SUPT7L: variants seen among roughly 807,000 people sequenced by gnomAD.
SUPT7L encodes the protein STAGA complex 65 subunit gamma.
SUPT7L carries 15 observed loss-of-function variants against 35.7 expected under a neutral mutation model. The ratio of observed to expected loss-of-function variants is 0.42; its 90% confidence interval spans 0.28 to 0.65. The LOEUF is 0.65. Among genes scored for constraint, SUPT7L ranks in the 30% least tolerant of loss-of-function variants. The pLI, the probability that SUPT7L is intolerant of heterozygous loss-of-function variation, is 0.23. For missense variants in SUPT7L, 434 were observed against 522.2 expected (o/e 0.83, Z 1.65); for synonymous variants, 168 against 186.2 (o/e 0.90, Z 0.79).
chr2:27,648,592 A>G (rs187768459), downstream of SUPT7L, among the ~76,000 whole-genome samples: 328 of 152,332 alleles, frequency 2.2e-3, 3 homozygotes, highest in African/African-American at 7.2e-3. Flanking sequence ...TGGAAACCCA[A>G]ATTCCACTTG....
Position 27,661,123 on chromosome 2 carries a change from C to T in SUPT7L, c.280G>A (p.Val94Ile), listed in dbSNP as rs201679796. ...AGAGGTTCACTCTCTTCAGTTTTTACACCTTCTGTCTGCTGCTGATTCTGG... is the reference window on the plus strand; with the variant it reads ...AGAGGTTCACTCTCTTCAGTTTTTATACCTTCTGTCTGCTGCTGATTCTGG... ...QAQNQQQTEG[V>I]KTEESEPLPS... The change falls in exon 3 of 6, where the codon GTA becomes ATA. Residue 94 changes from valine (V) to isoleucine (I), a missense_variant. Val to Ile is a conservative substitution (Grantham distance 29). This residue lies in a region of SUPT7L where 198 missense variants were observed against 190.8 expected (regional missense o/e 1.04). Transcript: ENST00000337768. The T allele has an allele frequency of 2.0e-4, 315 of 1,614,200 alleles. 3 individuals are homozygous for T. Among genetic ancestry groups the T allele is most frequent in the Admixed American group, 9.7e-4 (58 of 60,020 alleles).
At position 27,653,537 on chromosome 2, in the gene SUPT7L, C is replaced by T; in HGVS notation, c.1193G>A (p.Gly398Glu). The T allele has an allele frequency of 6.2e-7, 1 of 1,614,160 alleles. No individual in the cohort carries two copies. Among genetic ancestry groups the T allele is most frequent in the Non-Finnish European group, 8.5e-7 (1 of 1,180,034 alleles). Residue 398 changes from glycine (G) to glutamate (E), a missense_variant, in exon 6 of 6, where the codon GGG becomes GAG. Gly to Glu is a moderately conservative substitution (Grantham distance 98). Around this residue, in one of 3 missense-constraint regions of SUPT7L, gnomAD observed 159 missense variants for 217.1 expected, o/e 0.73. Transcript: ENST00000337768. ...GCGCTGGTTGAAAACAGGGGAGGAC[C>T]CCATGAGGCTGTCAGTGGAGTGGGA... is the stretch of plus-strand genomic sequence containing the variant. ...YGSHSTDSLMGSSPVFNQRCK... is the reference protein window; with the variant it reads ...YGSHSTDSLMESSPVFNQRCK...
chr2:27,663,549 G>T lies in SUPT7L; in HGVS notation c.-310C>A. 1.8e-6 allele frequency: 1 copy of T among 566,418 alleles called. No individual in the cohort carries two copies. Among genetic ancestry groups the T allele is most frequent in the Non-Finnish European group, 3.1e-6 (1 of 317,744 alleles). The allele number at this position is 566,418 out of a possible 1,614,324, so 35.1% of individuals were successfully genotyped here. On this transcript the variant is annotated 5_prime_UTR_variant, in exon 1 of 6. Transcript: ENST00000337768. ...GCAGAGCGGGCTGGGCGGCTGTCTG[G>T]ACCTCGAGAGGCCTGAGGCAAGGAT...
chr2:27,650,073 T>C, downstream of SUPT7L: 1 of 1,074,364 alleles, frequency 9.3e-7, no homozygotes, highest in Non-Finnish European at 1.5e-6. Flanking sequence ...TCAGTTTGTC[T>C]AATGAAAGAG....
intron 4 of SUPT7L, 128 bp from the exon 5 acceptor site, chr2:27,655,730 G>A (rs747551883): frequency 2.5e-6 from 2 of 809,358 alleles, no homozygotes; most frequent in Non-Finnish European, 1.9e-6. Context: ...ACTGCCAATG[G>A]GAGGGATTTG....
Position 27,651,916 on chromosome 2 carries a change from G to A in SUPT7L, c.*1569C>T, listed in dbSNP as rs1674574301. ...AATCCCAGCACTTTGGGAGCCCGAG[G>A]CGGGCAGATCACTTGAGGTCAGGAG... On this transcript the variant is annotated 3_prime_UTR_variant, in exon 6 of 6. Coordinates refer to ENST00000337768, the MANE Select transcript of SUPT7L (RefSeq NM_014860.3). The A allele has an allele frequency of 6.6e-6, 1 of 152,424 alleles. No homozygotes were observed. Among genetic ancestry groups the A allele is most frequent in the South Asian group, 2.1e-4 (1 of 4,830 alleles). 9.4% of individuals were successfully genotyped at this position (152,424 alleles called of 1,614,324 possible). A position where few individuals can be genotyped will look rare whatever the true frequency, so the allele number is the denominator to read the frequency against.
chr2:27,646,502 T>A (rs1187773063), downstream of SUPT7L, among the ~76,000 whole-genome samples: 3 of 152,138 alleles, frequency 2.0e-5, no homozygotes, highest in African/African-American at 4.8e-5. Flanking sequence ...GAATTAAAAA[T>A]TTTTTTTTAG....
chr2:27,647,885 A>G (rs1244061566), downstream of SUPT7L: 1 of 1,613,884 alleles, frequency 6.2e-7, no homozygotes, highest in Admixed American at 1.7e-5. Flanking sequence ...TGACTCGAGG[A>G]ACCTTGGATG....
At chr2:27,661,641 T>G in intron 2 of SUPT7L, 1 of 1,347,200 alleles carries the variant, frequency 7.4e-7, no homozygotes, top group Non-Finnish European at 9.5e-7. Flanking sequence ...AGATGCTGGT[T>G]ATTGTCATAC....
chr2:27,645,587 T>C, the SUPT7L span, among the ~76,000 whole-genome samples: 1 of 152,204 alleles, frequency 6.6e-6, no homozygotes, highest in African/African-American at 2.4e-5. Context: ...TCAGGTCTAC[T>C]TGTGTCTTTC....
chr2:27,648,450 T>C (rs975194166), downstream of SUPT7L, among the ~76,000 whole-genome samples: 16 of 152,132 alleles, frequency 1.1e-4, no homozygotes, highest in African/African-American at 3.9e-4. Context: ...GCCCAGAAGT[T>C]TGAGGCTATT....
chr2:27,656,994 A>G (rs1231324626), intron 4 of SUPT7L, among the ~76,000 whole-genome samples: 1 of 152,218 alleles, frequency 6.6e-6, no homozygotes, highest in African/African-American at 2.4e-5. Context: ...CTTCAAAAAC[A>G]ATGTAAACTC....
chr2:27,644,734 T>G, the SUPT7L span, among the ~76,000 whole-genome samples: 1 of 148,796 alleles, frequency 6.7e-6, no homozygotes, highest in Non-Finnish European at 1.5e-5. Flanking sequence ...TTTTTTTTTT[T>G]TTTTTTTTTA....
chr2:27,646,334 G>A (rs367650456), downstream of SUPT7L, among the ~76,000 whole-genome samples: 2 of 152,224 alleles, frequency 1.3e-5, no homozygotes. Flanking sequence ...GAGCCACCAT[G>A]CCCAGCCCCA....
chr2:27,653,301 TA>T lies in SUPT7L; in HGVS notation c.*183del. 3 of 820,704 alleles carry T rather than the reference TA, an allele frequency of 3.7e-6. No individual in the cohort carries two copies. Among genetic ancestry groups the T allele is most frequent in the Non-Finnish European group, 5.5e-6 (3 of 541,982 alleles). The allele number at this position is 820,704 out of a possible 1,614,324, so 50.8% of individuals were successfully genotyped here. A position where few individuals can be genotyped will look rare whatever the true frequency, so the allele number is the denominator to read the frequency against. Reference sequence around the variant, plus strand: ...AGGGTGGCTTGGTTGTGGAAAACTATAAAAACTGGATGCAAAAGTAAAATGC... The same window carrying T: ...AGGGTGGCTTGGTTGTGGAAAACTATAAAACTGGATGCAAAAGTAAAATGC... On this transcript the variant is annotated 3_prime_UTR_variant, in exon 6 of 6. Coordinates refer to ENST00000337768, the MANE Select transcript of SUPT7L (RefSeq NM_014860.3).
Position 27,657,289 on chromosome 2 carries a change from G to T in SUPT7L, c.744+56C>A. 6.4e-7 allele frequency: 1 copy of T among 1,566,098 alleles called. No individual in the cohort carries two copies. The highest frequency in any genetic ancestry group is 1.7e-5 in the Admixed American group (1 of 57,340). ...AGACCAAGTGTTGTGGGATCCTGCTGAACACTCCGAGATTGCACAGACATC... is the reference window on the plus strand; with the variant it reads ...AGACCAAGTGTTGTGGGATCCTGCTTAACACTCCGAGATTGCACAGACATC... On this transcript the variant is annotated intron_variant, in intron 4 of 5. Transcript: ENST00000337768. The surrounding 1 kb of genome is among the most constrained non-coding windows in gnomAD (Gnocchi z 5.2).
intron 5 of SUPT7L, among the ~76,000 whole-genome samples, chr2:27,654,885 C>A (rs887842490): frequency 5.9e-5 from 9 of 152,146 alleles, no homozygotes; most frequent in African/African-American, 2.2e-4. Flanking sequence ...ATTTCAATGT[C>A]TTTCATCTTC....
chr2:27,653,826 C>T, intron 5 of SUPT7L, 79 bp from the exon 6 acceptor site: 1 of 1,539,540 alleles, frequency 6.5e-7, no homozygotes, highest in Non-Finnish European at 8.9e-7. Flanking sequence ...ATATATCACT[C>T]AGAACCAACT....
chr2:27,643,401 A>G, the SUPT7L span, among the ~76,000 whole-genome samples: 1 of 152,036 alleles, frequency 6.6e-6, no homozygotes, highest in African/African-American at 2.4e-5. The surrounding 1 kb of genome is among the most constrained non-coding windows in gnomAD (Gnocchi z 4.0). Flanking sequence ...CAGATATAAT[A>G]CTCTTTTACC....
Sources: gnomAD v4.1 joint callset for allele counts (sites outside exome capture counted in the v4.1 genomes callset) on GRCh38, gnomAD v4.1.1 for gene constraint, gnomAD v4.1.1 regional missense constraint, Gnocchi (gnomAD v3.1) non-coding constraint, MANE v1.5 for transcripts, NCBI Gene and HGNC (gene_info 2026-07-23, HGNC 2026-07-21) for gene names.